ACSF2: variants seen among roughly 807,000 people sequenced by gnomAD.
ACSF2 encodes the protein acyl-CoA synthetase family member 2.
A neutral mutation model predicts 79.3 loss-of-function variants in ACSF2; 52 were observed. The ratio of observed to expected loss-of-function variants is 0.66; its 90% CI spans 0.53 to 0.83. The LOEUF is 0.83. Ranked by LOEUF, ACSF2 falls within the 40% of genes least tolerant of loss-of-function variation. The pLI is 0.00. For missense variants in ACSF2, 661 were observed against 803.3 expected (o/e 0.82, Z 2.14); for synonymous variants, 283 against 312.6 (o/e 0.91, Z 1.00).
chr17:50,435,261 C>T (rs534323805), intron 1 of ACSF2, among the ~76,000 whole-genome samples: 3 of 152,250 alleles, frequency 2.0e-5, no homozygotes, highest in Non-Finnish European at 4.4e-5. Context: ...GTGAGTTTTA[C>T]GTATTAAACA....
chr17:50,464,759 C>G (rs2032570609), intron 10 of ACSF2: 2 of 244,592 alleles, frequency 8.2e-6, no homozygotes, highest in South Asian at 3.0e-5. Context: ...TGTTGTGGTT[C>G]TGATTGACTT....
At chr17:50,449,676 A>C (rs1005173371) in intron 1 of ACSF2, among the ~76,000 whole-genome samples, 1 of 151,818 alleles carries the variant, frequency 6.6e-6, no homozygotes, top group Admixed American at 6.6e-5. Context: ...GGCCTCCCAA[A>C]GTGCTCGGAT....
intron 10 of ACSF2, chr17:50,465,527 G>A: frequency 6.5e-7 from 1 of 1,532,760 alleles, no homozygotes; most frequent in African/African-American, 1.4e-5. Context: ...GGATTGACTT[G>A]GCCACAGGAT....
chr17:50,462,152 C>T (rs2032379704), intron 4 of ACSF2, 32 bp from the exon 5 acceptor site: 1 of 1,600,168 alleles, frequency 6.2e-7, no homozygotes, highest in Admixed American at 1.7e-5. Flanking sequence ...GGGCTCCCCG[C>T]TGACTGGAGG....
chr17:50,461,086 C>T, intron 2 of ACSF2, 156 bp from the exon 3 acceptor site: 2 of 1,264,690 alleles, frequency 1.6e-6, no homozygotes, highest in South Asian at 1.4e-5. Flanking sequence ...GTTAACTATG[C>T]AGGCCCCAGG....
rs1372689491 is a variant in ACSF2, at chr17:50,439,219, T to G, written c.128+12830T>G. 2.0e-5 allele frequency among the ~76,000 whole-genome samples: 3 copies of G among 148,156 alleles called. No individual in the cohort carries two copies. The East Asian group carries it at 5.9e-4, about 29-fold the overall frequency. On this transcript the variant is annotated intron_variant, in intron 1 of 15. Coordinates refer to ENST00000300441, the MANE Select transcript of ACSF2 (RefSeq NM_025149.6). ...CCGAGCAGCTGGAACGACAGGTGCA[T>G]GCTACCACACAGCTTTTTTTTTTTT...
chr17:50,462,846 T>G (rs2032432579), intron 6 of ACSF2: 1 of 581,276 alleles, frequency 1.7e-6, no homozygotes, highest in African/African-American at 1.9e-5. Flanking sequence ...AGGTTGGAAC[T>G]GCTACAGGCT....
intron 1 of ACSF2, among the ~76,000 whole-genome samples, chr17:50,435,150 G>C (rs150578285): frequency 6.6e-6 from 1 of 152,106 alleles, no homozygotes; most frequent in Non-Finnish European, 1.5e-5. Context: ...GATTACAGGC[G>C]TGAGCCACCG....
chr17:50,449,364 C>G (rs1030239744), intron 1 of ACSF2, among the ~76,000 whole-genome samples: 1 of 149,562 alleles, frequency 6.7e-6, no homozygotes, highest in African/African-American at 2.5e-5. Flanking sequence ...TAAATGTTTT[C>G]AAGGTTCCAC....
rs771815586 is a variant in ACSF2 at position 50,471,167 on chromosome 17, C to T, written c.1323+32C>T. 6.3e-7 allele frequency: 1 copy of T among 1,581,268 alleles called. No individual in the cohort carries two copies. The highest frequency in any genetic ancestry group is 1.3e-5 in the African/African-American group (1 of 74,184). On this transcript the variant is annotated intron_variant, in intron 11 of 15. Coordinates refer to ENST00000300441, the MANE Select transcript of ACSF2 (RefSeq NM_025149.6). This position sits in a 1 kb window ranked among gnomAD's most constrained non-coding sequence, Gnocchi z 4.1. ...CCCTGACCAAGACTCCAAAGTCCCA[C>T]CTCCCGTCACCCAGCTGGGGTGCAC...
intron 9 of ACSF2, 128 bp from the exon 10 acceptor site, chr17:50,464,090 C>T (rs1567857759): frequency 2.4e-6 from 3 of 1,258,560 alleles, no homozygotes; most frequent in Non-Finnish European, 3.5e-6. Flanking sequence ...GGGCCAGCTG[C>T]CAGGTGTAGG....
chr17:50,462,103 G>T, intron 4 of ACSF2, 81 bp from the exon 5 acceptor site: 1 of 1,193,918 alleles, frequency 8.4e-7, no homozygotes, highest in East Asian at 2.4e-5. Context: ...CTGTATGAGA[G>T]CAGCTGATTA....
chr17:50,426,853 T>C lies in ACSF2; in HGVS notation c.128+464T>C, dbSNP rs145354508. 4.0e-4 allele frequency: 608 copies of C among 1,518,636 alleles called. 3 individuals are homozygous for C. In the African/African-American group the frequency reaches 7.6e-3, roughly 19 times the overall value. The allele number at this position is 1,518,636 out of a possible 1,614,324, so 94.1% of individuals were successfully genotyped here. On this transcript the variant is annotated intron_variant, in intron 1 of 15. Coordinates refer to ENST00000300441, the MANE Select transcript of ACSF2 (RefSeq NM_025149.6). ...TCTCCTCATCAGCTGCTCACTAACA[T>C]GGCTTTAATTCTTTGCTGCCTACTC...
At chr17:50,449,309 G>A (rs112097371) in intron 1 of ACSF2, among the ~76,000 whole-genome samples, 6,790 of 147,834 alleles carry the variant, frequency 0.046, 211 homozygotes, top group Non-Finnish European at 0.07. Flanking sequence ...GAGCCACCAC[G>A]CCCGGCCCAA....
At chr17:50,472,789 A>G in intron 12 of ACSF2, 1 of 483,234 alleles carries the variant, frequency 2.1e-6, no homozygotes, top group East Asian at 3.8e-5. Context: ...CTACACCAGC[A>G]GCTGCAAAAT....
intron 1 of ACSF2, among the ~76,000 whole-genome samples, chr17:50,431,676 G>A (rs1567835438): frequency 6.6e-6 from 1 of 151,990 alleles, no homozygotes; most frequent in East Asian, 1.9e-4. Flanking sequence ...AAAATTTTTT[G>A]TAGAGATGGG....
chr17:50,470,906 C>A, intron 10 of ACSF2, 122 bp from the exon 11 acceptor site: 1 of 728,836 alleles, frequency 1.4e-6, no homozygotes, highest in Non-Finnish European at 2.4e-6. Flanking sequence ...TCTGTTTCCA[C>A]CATTCGGCTG....
At chr17:50,464,813 G>C (rs1230055046) in intron 10 of ACSF2, 2 of 358,172 alleles carry the variant, frequency 5.6e-6, no homozygotes, top group African/African-American at 2.2e-5. Context: ...GGAGCTGGAG[G>C]GTGGGGAAGG....
At position 50,464,309 on chromosome 17, in the gene ACSF2, C is replaced by T. The variant is rs369457030; in HGVS notation, c.1215+15C>T. The T allele has an allele frequency of 3.4e-5, 55 of 1,613,454 alleles. No individual in the cohort carries two copies. Among genetic ancestry groups the T allele is most frequent in the East Asian group, 1.6e-4 (7 of 44,860 alleles). ...AGGACCTGGTGGTGAGTGGTGACTG[C>T]GGCCCGGGCTGTGGGCAGGCCAGGC... is the stretch of plus-strand genomic sequence containing the variant. On this transcript the variant is annotated intron_variant, in intron 10 of 15. Transcript: ENST00000300441.
Sources: gnomAD v4.1 joint callset for allele counts (sites outside exome capture counted in the v4.1 genomes callset) on GRCh38, gnomAD v4.1.1 for gene constraint, Gnocchi (gnomAD v3.1) non-coding constraint, MANE v1.5 for transcripts, NCBI Gene and HGNC (gene_info 2026-07-23, HGNC 2026-07-21) for gene names.